Variants in CNTNAP2 observed in about 807,000 individuals in gnomAD.
CNTNAP2 encodes contactin-associated protein-like 2.
CNTNAP2 carries 98 observed loss-of-function variants against 155.2 expected under a neutral mutation model. That is an observed-to-expected ratio of 0.63 (90% CI 0.54 to 0.75). CNTNAP2 has a LOEUF of 0.75. Among genes scored for constraint, CNTNAP2 ranks in the 30% least tolerant of loss-of-function variants. The pLI is 0.00. For missense variants in CNTNAP2, 1,727 were observed against 1,688.1 expected (o/e 1.02, Z -0.40); for synonymous variants, 651 against 631.2 (o/e 1.03, Z -0.47).
chr7:148,177,449 G>A (rs995404476), intron 18 of CNTNAP2, among the ~76,000 whole-genome samples: 4 of 152,160 alleles, frequency 2.6e-5, no homozygotes, highest in Admixed American at 6.5e-5. Flanking sequence ...TAGAGTTTTC[G>A]AAGAAGCGTA....
At chr7:147,144,826 C>A (rs995485896) in intron 8 of CNTNAP2, among the ~76,000 whole-genome samples, 1 of 152,168 alleles carries the variant, frequency 6.6e-6, no homozygotes, top group African/African-American at 2.4e-5. Flanking sequence ...TATTCCTGTA[C>A]ATGCGTGCAT....
intron 2 of CNTNAP2, among the ~76,000 whole-genome samples, chr7:146,801,075 G>A (rs952096226): frequency 1.3e-5 from 2 of 152,138 alleles, no homozygotes; most frequent in Non-Finnish European, 2.9e-5. Flanking sequence ...ATCTATACAA[G>A]CATGGCACCA....
chr7:146,799,207 A>G (rs1372555139), intron 2 of CNTNAP2, among the ~76,000 whole-genome samples: 1 of 152,204 alleles, frequency 6.6e-6, no homozygotes, highest in Non-Finnish European at 1.5e-5. Context: ...TAAGTGAAAT[A>G]GAAAATGAAG....
chr7:147,074,164 G>T (rs1207158761), intron 4 of CNTNAP2, among the ~76,000 whole-genome samples: 1 of 152,012 alleles, frequency 6.6e-6, no homozygotes. Flanking sequence ...CAAAACCAAC[G>T]TGTTTCCCTG....
chr7:148,239,542 T>C (rs1024363004), intron 20 of CNTNAP2, among the ~76,000 whole-genome samples: 6 of 152,196 alleles, frequency 3.9e-5, no homozygotes, highest in African/African-American at 1.4e-4. Flanking sequence ...ATCAAAAACC[T>C]CATGACCTCA....
intron 1 of CNTNAP2, among the ~76,000 whole-genome samples, chr7:146,642,897 C>T (rs925486321): frequency 6.6e-6 from 1 of 151,998 alleles, no homozygotes; most frequent in Admixed American, 6.6e-5. Context: ...ATTTGCATTT[C>T]TCTGATGGCC....
chr7:148,051,921 C>T (rs1802896428), intron 15 of CNTNAP2, among the ~76,000 whole-genome samples: 1 of 152,058 alleles, frequency 6.6e-6, no homozygotes, highest in South Asian at 2.1e-4. Flanking sequence ...GGGTGGATCA[C>T]GAGGTCAGGA....
chr7:148,058,879 G>C (rs1304495196), intron 15 of CNTNAP2, among the ~76,000 whole-genome samples: 1 of 152,120 alleles, frequency 6.6e-6, no homozygotes, highest in Non-Finnish European at 1.5e-5. Flanking sequence ...TACCTTTAGG[G>C]AAATGGTTGT....
intron 1 of CNTNAP2, among the ~76,000 whole-genome samples, chr7:146,411,828 T>A: frequency 9.0e-6 from 1 of 111,504 alleles, no homozygotes; most frequent in East Asian, 2.2e-4. Flanking sequence ...ATTTATTTAC[T>A]TATTTATTTA....
At chr7:146,989,509 C>T (rs1450044432) in intron 3 of CNTNAP2, among the ~76,000 whole-genome samples, 3 of 149,418 alleles carry the variant, frequency 2.0e-5, no homozygotes, top group Non-Finnish European at 3.0e-5. Context: ...TAACAGTATC[C>T]ACTGGAGACT....
chr7:146,588,251 A>G (rs564021265), intron 1 of CNTNAP2, among the ~76,000 whole-genome samples: 133 of 152,084 alleles, frequency 8.7e-4, no homozygotes, highest in African/African-American at 3.0e-3. Context: ...TTTAAAGTAC[A>G]AAGCCCACAT....
At chr7:146,913,602 G>A (rs549573070) in intron 3 of CNTNAP2, among the ~76,000 whole-genome samples, 2 of 152,046 alleles carry the variant, frequency 1.3e-5, no homozygotes, top group East Asian at 3.9e-4. Context: ...TCCTCACATG[G>A]CACAGAGCTC....
chr7:148,120,542 C>T (rs1249294742), intron 16 of CNTNAP2, among the ~76,000 whole-genome samples: 1 of 152,108 alleles, frequency 6.6e-6, no homozygotes, highest in Admixed American at 6.5e-5. Context: ...GCTGGGATTA[C>T]AGGCATGAGC....
intron 3 of CNTNAP2, among the ~76,000 whole-genome samples, chr7:146,927,936 T>C (rs1053927594): frequency 2.7e-5 from 4 of 148,006 alleles, no homozygotes; most frequent in Admixed American, 2.1e-4. Context: ...AGTGTATATA[T>C]AGAGAAAGTT....
At chr7:147,445,274 T>G (rs1797714417) in intron 10 of CNTNAP2, among the ~76,000 whole-genome samples, 1 of 152,228 alleles carries the variant, frequency 6.6e-6, no homozygotes, top group Non-Finnish European at 1.5e-5. Context: ...TCCTTTCATC[T>G]TTTACTTTGG....
intron 9 of CNTNAP2, among the ~76,000 whole-genome samples, chr7:147,328,879 G>A (rs1163411691): frequency 6.6e-6 from 1 of 152,100 alleles, no homozygotes; most frequent in East Asian, 1.9e-4. Flanking sequence ...TTTCAGCAAG[G>A]TCTTTGGCAA....
intron 1 of CNTNAP2, among the ~76,000 whole-genome samples, chr7:146,516,853 A>C (rs1797549019): frequency 6.6e-6 from 1 of 151,936 alleles, no homozygotes; most frequent in Non-Finnish European, 1.5e-5. Context: ...AGTGCCCCAA[A>C]ACGAAACTCC....
At chr7:146,578,413 G>C (rs574901243) in intron 1 of CNTNAP2, among the ~76,000 whole-genome samples, 4 of 152,198 alleles carry the variant, frequency 2.6e-5, no homozygotes, top group Admixed American at 1.3e-4. Flanking sequence ...CATGCATGTT[G>C]TTCATCCTCA....
At chr7:147,152,795 A>T (rs1372112357) in intron 8 of CNTNAP2, among the ~76,000 whole-genome samples, 1 of 152,160 alleles carries the variant, frequency 6.6e-6, no homozygotes, top group Non-Finnish European at 1.5e-5. Context: ...GAATTAAAAG[A>T]AATCTTACAG....
Sources: gnomAD v4.1 joint callset for allele counts (sites outside exome capture counted in the v4.1 genomes callset) on GRCh38, gnomAD v4.1.1 for gene constraint, MANE v1.5 for transcripts, NCBI Gene and HGNC (gene_info 2026-07-23, HGNC 2026-07-21) for gene names.